Variants in ERBB4 observed in about 807,000 individuals in gnomAD.
ERBB4 encodes the protein receptor tyrosine-protein kinase erbB-4.
In ERBB4, 42 loss-of-function variants were observed where a neutral mutation model predicts 158.0. That is an observed-to-expected ratio of 0.27 (90% CI 0.21 to 0.34). The LOEUF (loss-of-function observed/expected upper bound fraction) is 0.34. Among genes scored for constraint, ERBB4 ranks in the 10% least tolerant of loss-of-function variants. The pLI is 1.00. For missense variants in ERBB4, 1,333 were observed against 1,624.1 expected (o/e 0.82, Z 3.08); for synonymous variants, 583 against 558.7 (o/e 1.04, Z -0.61).
At chr2:212,085,672 CTCT>C (rs1265492801) in intron 2 of ERBB4, among the ~76,000 whole-genome samples, 1 of 151,770 alleles carries the variant, frequency 6.6e-6, no homozygotes, top group Non-Finnish European at 1.5e-5. Context: ...AGAGTTGAGA[CTCT>C]TTTTTAGGAA....
At chr2:212,174,791 G>A (rs1305718538) in intron 1 of ERBB4, among the ~76,000 whole-genome samples, 1 of 151,936 alleles carries the variant, frequency 6.6e-6, no homozygotes, top group Non-Finnish European at 1.5e-5. Flanking sequence ...TTATAAACAG[G>A]ACCTCAATTC....
intron 3 of ERBB4, among the ~76,000 whole-genome samples, chr2:211,856,511 G>C (rs1421330602): frequency 6.6e-6 from 1 of 151,704 alleles, no homozygotes; most frequent in African/African-American, 2.4e-5. Flanking sequence ...TCAGCCTCCC[G>C]AGTAGCTGGG....
chr2:211,597,913 T>C (rs1331232385), intron 19 of ERBB4, among the ~76,000 whole-genome samples: 3 of 152,166 alleles, frequency 2.0e-5, no homozygotes, highest in Non-Finnish European at 2.9e-5. Flanking sequence ...TATGTTATTA[T>C]TTGATAAGAG....
At chr2:211,725,647 G>T (rs574853643) in intron 5 of ERBB4, among the ~76,000 whole-genome samples, 1 of 152,076 alleles carries the variant, frequency 6.6e-6, no homozygotes, top group East Asian at 1.9e-4. Context: ...GGAAAATTGA[G>T]ATAACTAAAT....
intron 1 of ERBB4, among the ~76,000 whole-genome samples, chr2:212,221,094 A>G (rs2105953261): frequency 6.6e-6 from 1 of 151,576 alleles, no homozygotes; most frequent in Non-Finnish European, 1.5e-5. Context: ...ACTCTGAACC[A>G]TGGATCATGA....
At chr2:212,254,733 T>C (rs1344027850) in intron 1 of ERBB4, among the ~76,000 whole-genome samples, 37 of 152,136 alleles carry the variant, frequency 2.4e-4, no homozygotes, top group Admixed American at 2.3e-3. Flanking sequence ...CTCTGAAATA[T>C]TGTGAATATT....
intron 20 of ERBB4, among the ~76,000 whole-genome samples, chr2:211,528,982 T>C (rs1372044717): frequency 7.1e-6 from 1 of 141,380 alleles, no homozygotes; most frequent in Non-Finnish European, 1.5e-5. Context: ...CCAAAATTAG[T>C]AGATGAAAGA....
chr2:211,963,550 T>C (rs17602011), intron 2 of ERBB4, among the ~76,000 whole-genome samples: 10,140 of 152,196 alleles, frequency 0.067, 672 homozygotes, highest in East Asian at 0.28. Context: ...TTGCACATAT[T>C]ACTGGATGGA....
chr2:211,977,531 T>TAAA (rs370595284), intron 2 of ERBB4, among the ~76,000 whole-genome samples: 18 of 67,622 alleles, frequency 2.7e-4, no homozygotes, highest in South Asian at 1.6e-3. Context: ...ATATTGACTT[T>TAAA]AAAAAAAAAA....
At chr2:211,786,041 C>A (rs1326291258) in intron 4 of ERBB4, among the ~76,000 whole-genome samples, 1 of 152,038 alleles carries the variant, frequency 6.6e-6, no homozygotes, top group Admixed American at 6.6e-5. Context: ...CAGATGAAGT[C>A]TTGAACTAGG....
At chr2:211,984,382 GT>G (rs1262854161) in intron 2 of ERBB4, among the ~76,000 whole-genome samples, 1 of 152,014 alleles carries the variant, frequency 6.6e-6, no homozygotes, top group African/African-American at 2.4e-5. Flanking sequence ...AATGAAAAAA[GT>G]ATCTTTATAA....
At chr2:211,741,239 G>T (rs2074785159) in intron 5 of ERBB4, among the ~76,000 whole-genome samples, 1 of 152,030 alleles carries the variant, frequency 6.6e-6, no homozygotes, top group African/African-American at 2.4e-5. Context: ...AGAATAAGTT[G>T]TCATCACTAC....
chr2:211,887,375 C>A (rs938705994), intron 3 of ERBB4, among the ~76,000 whole-genome samples: 3 of 151,942 alleles, frequency 2.0e-5, no homozygotes, highest in Admixed American at 2.0e-4. Context: ...TATTTTACAT[C>A]TGTTAGAATC....
chr2:211,557,259 A>G (rs1485498051), intron 20 of ERBB4, among the ~76,000 whole-genome samples: 3 of 152,234 alleles, frequency 2.0e-5, no homozygotes, highest in African/African-American at 4.8e-5. Context: ...ACAAAAATTG[A>G]CAAGTGGGGT....
chr2:212,437,024 T>A (rs1309343972), intron 1 of ERBB4, among the ~76,000 whole-genome samples: 1 of 151,992 alleles, frequency 6.6e-6, no homozygotes, highest in East Asian at 1.9e-4. Context: ...CCCAGGGCCA[T>A]GTAAACGCCA....
chr2:211,380,958 T>A lies in ERBB4; in HGVS notation c.*2657A>T, dbSNP rs199547629. On this transcript the variant is annotated 3_prime_UTR_variant, in exon 28 of 28. Transcript: ENST00000342788. Reference sequence around the variant, plus strand: ...CATATTGTAAATCAGAAAAAAAAAATCAAGGTATAGTATCCAAAAAGAGGG... The same window carrying A: ...CATATTGTAAATCAGAAAAAAAAAAACAAGGTATAGTATCCAAAAAGAGGG... 1 of 231,820 alleles carries A rather than the reference T, an allele frequency of 4.3e-6. No homozygotes were observed. The highest frequency in any genetic ancestry group is 6.1e-5 in the East Asian group (1 of 16,404). The allele number at this position is 231,820 out of a possible 1,614,324, so 14.4% of individuals were successfully genotyped here.
chr2:211,887,298 G>GA (rs1194068444), intron 3 of ERBB4, among the ~76,000 whole-genome samples: 258 of 141,554 alleles, frequency 1.8e-3, no homozygotes, highest in South Asian at 6.3e-3. Context: ...GAAACAACAG[G>GA]AAAAAAAAAA....
At chr2:212,409,892 G>T (rs2091449139) in intron 1 of ERBB4, among the ~76,000 whole-genome samples, 2 of 151,966 alleles carry the variant, frequency 1.3e-5, no homozygotes, top group African/African-American at 2.4e-5. Context: ...AGGGTGGAAT[G>T]GTTCTTCAGG....
At chr2:211,411,970 T>A (rs911542354) in intron 25 of ERBB4, among the ~76,000 whole-genome samples, 1 of 151,884 alleles carries the variant, frequency 6.6e-6, no homozygotes, top group Non-Finnish European at 1.5e-5. Context: ...AAATAAAAAA[T>A]AAAACTAATT....
Sources: gnomAD v4.1 joint callset for allele counts (sites outside exome capture counted in the v4.1 genomes callset) on GRCh38, gnomAD v4.1.1 for gene constraint, MANE v1.5 for transcripts, NCBI Gene and HGNC (gene_info 2026-07-23, HGNC 2026-07-21) for gene names.